Variants in ABCA5 observed in about 807,000 individuals in gnomAD.
ABCA5 encodes the protein ATP binding cassette subfamily A member 5, also known as cholesterol transporter ABCA5.
Under a neutral mutation model 206.0 loss-of-function variants are expected in ABCA5, and 163 were observed. The observed-to-expected ratio is 0.79, with a 90% CI of 0.70 to 0.90. The LOEUF (loss-of-function observed/expected upper bound fraction) is 0.90. Among genes scored for constraint, ABCA5 ranks in the 40% least tolerant of loss-of-function variants. ABCA5 has a pLI of 0.00. For synonymous variants in ABCA5, 609 were observed against 613.8 expected (o/e 0.99, Z 0.11); for missense variants, 1,859 against 1,912.9 (o/e 0.97, Z 0.53).
Position 69,306,864 on chromosome 17 carries a change from G to A in ABCA5, c.649C>T (p.Pro217Ser), listed in dbSNP as rs748755863. The A allele has an allele frequency of 9.1e-5, 146 of 1,603,810 alleles. No individual in the cohort carries two copies. The highest frequency in any genetic ancestry group is 1.2e-4 in the Non-Finnish European group (140 of 1,174,544). ...ETAVVEIDTF[P>S]RGVILIYLVI... Reference sequence around the variant, plus strand: ...AGGTATATTAAAATTACTCCTCGGGGAAAGGTATCTATTTCTACAACAGCA... The same window carrying A: ...AGGTATATTAAAATTACTCCTCGGGAAAAGGTATCTATTTCTACAACAGCA... The change falls in exon 6 of 39, where the codon CCC becomes TCC. Residue 217 changes from proline to serine, a missense_variant. Transcript: ENST00000392676.
intron 7 of ABCA5, chr17:69,304,070 A>G (rs2075690511): frequency 6.6e-6 from 1 of 151,290 alleles, no homozygotes; most frequent in African/African-American, 2.4e-5. Flanking sequence ...ATTTAAAAAA[A>G]AACCAGGCAA....
rs2145025625 is a variant in ABCA5 at position 69,306,833 on chromosome 17, A to G, written c.680T>C (p.Ile227Thr). The stretch of plus-strand genomic sequence containing the variant: ...AAAGTATCCAAAAGGTGAAAATGCT[A>G]TAACTAGGTATATTAAAATTACTCC... ...PRGVILIYLV[I>T]AFSPFGYFLA... Residue 227 changes from isoleucine to threonine, a missense_variant, in exon 6 of 39, where the codon ATA becomes ACA. Ile to Thr is a moderately conservative substitution (Grantham distance 89). Coordinates refer to ENST00000392676, the MANE Select transcript of ABCA5 (RefSeq NM_172232.4). 3 of 1,603,614 alleles carry G rather than the reference A, an allele frequency of 1.9e-6. No individual in the cohort carries two copies. Among genetic ancestry groups the G allele is most frequent in the East Asian group, 2.3e-5 (1 of 44,276 alleles).
At chr17:69,266,762 G>A (rs1187921830) in intron 23 of ABCA5, among the ~76,000 whole-genome samples, 1 of 149,270 alleles carries the variant, frequency 6.7e-6, no homozygotes, top group South Asian at 2.1e-4. Flanking sequence ...ACTACAATGA[G>A]TATATTTAAC....
chr17:69,269,678 G>A (rs868547150), intron 22 of ABCA5, among the ~76,000 whole-genome samples: 38 of 152,144 alleles, frequency 2.5e-4, no homozygotes, highest in African/African-American at 8.7e-4. Flanking sequence ...TAAGTAGAAT[G>A]CAGTATTTCA....
chr17:69,319,267 T>C (rs1255762432), intron 1 of ABCA5, among the ~76,000 whole-genome samples: 2 of 152,322 alleles, frequency 1.3e-5, no homozygotes, highest in East Asian at 1.9e-4. Flanking sequence ...CCAAAACACA[T>C]TGATTTTGTG....
At chr17:69,248,046 T>G (rs2074971492) in intron 38 of ABCA5, among the ~76,000 whole-genome samples, 1 of 152,096 alleles carries the variant, frequency 6.6e-6, no homozygotes, top group African/African-American at 2.4e-5. Context: ...ACAGTGTGAT[T>G]TGTCAATTTA....
At chr17:69,304,545 T>C in intron 7 of ABCA5, 124 bp downstream of exon 7, 1 of 766,878 alleles carries the variant, frequency 1.3e-6, no homozygotes, top group Non-Finnish European at 1.9e-6. Context: ...ATTAAGTCAC[T>C]TATCAATTAG....
intron 23 of ABCA5, among the ~76,000 whole-genome samples, chr17:69,267,698 T>C (rs749201365): frequency 6.6e-6 from 1 of 152,138 alleles, no homozygotes; most frequent in Non-Finnish European, 1.5e-5. Context: ...AAGAAATCAG[T>C]AACAAAAAAC....
chr17:69,323,636 C>A (rs1056667640), intron 1 of ABCA5, among the ~76,000 whole-genome samples: 2 of 152,166 alleles, frequency 1.3e-5, no homozygotes, highest in African/African-American at 2.4e-5. Flanking sequence ...TATATATTTT[C>A]ATCTTGAACT....
At chr17:69,298,233 A>AAGGTAGGAAGGTAGGAAGGT (rs1352831325) in intron 9 of ABCA5, among the ~76,000 whole-genome samples, 1 of 68,086 alleles carries the variant, frequency 1.5e-5, no homozygotes, top group African/African-American at 5.8e-5. Flanking sequence ...GGTAGGTAGG[A>AAGGTAGGAAGGTAGGAAGGT]AGGAAGGAAG....
chr17:69,251,704 C>T (rs377395165), intron 35 of ABCA5, 43 bp downstream of exon 35: 11 of 1,580,400 alleles, frequency 7.0e-6, no homozygotes, highest in Non-Finnish European at 9.4e-6. Flanking sequence ...AAAATCCAAC[C>T]CCCAACCTCT....
chr17:69,298,002 T>C (rs1230596099), intron 9 of ABCA5, among the ~76,000 whole-genome samples: 1 of 151,990 alleles, frequency 6.6e-6, no homozygotes. Context: ...CTGGGCAATA[T>C]GGCAAAACCT....
At chr17:69,273,820 G>A (rs1170417250) in intron 20 of ABCA5, 139 bp downstream of exon 20, 16 of 768,974 alleles carry the variant, frequency 2.1e-5, no homozygotes, top group Admixed American at 3.4e-5. Flanking sequence ...AATAAGATAC[G>A]TATTGAACTA....
chr17:69,282,235 C>T (rs2075401527), intron 18 of ABCA5, among the ~76,000 whole-genome samples: 1 of 152,118 alleles, frequency 6.6e-6, no homozygotes. Context: ...CTAGGTTTTT[C>T]CATTTCCACT....
chr17:69,307,105 C>A, intron 5 of ABCA5, 151 bp from the exon 6 acceptor site: 1 of 409,902 alleles, frequency 2.4e-6, no homozygotes, highest in Non-Finnish European at 4.3e-6. Context: ...GTGAGTGACC[C>A]CAATATCATA....
chr17:69,309,801 C>T (rs1333510905), intron 3 of ABCA5, among the ~76,000 whole-genome samples: 1 of 152,030 alleles, frequency 6.6e-6, no homozygotes, highest in Non-Finnish European at 1.5e-5. Flanking sequence ...AACTGAGCAA[C>T]TGCACTCCAG....
In ABCA5 at chr17:69,290,018, T is replaced by C. The variant is rs750113828; in HGVS notation, c.1626A>G (p.Gly542=). ...TTTCATCTATTTCTGAGACTCTGTG[T>C]CCATATATAGATGCAAACCCTAAAA... The part of the protein sequence containing the change: ...PPSDGFASIY[G]HRVSEIDEMF... Residue 542 remains glycine (G), a synonymous_variant, in exon 13 of 39, where the codon GGA becomes GGG. Coordinates refer to ENST00000392676, the MANE Select transcript of ABCA5 (RefSeq NM_172232.4). 1.2e-6 allele frequency: 2 copies of C among 1,600,144 alleles called. No homozygotes were observed. The highest frequency in any genetic ancestry group is 1.7e-5 in the Admixed American group (1 of 57,442).
In ABCA5 at chr17:69,277,633, A is replaced by G; in HGVS notation, c.2594+8T>C. ...TCCATCAGGTATAAGGGTGATAATT[A>G]TACTTACACTGATCTCACTGATTTA... is the stretch of plus-strand genomic sequence containing the variant. On this transcript the variant is annotated splice_region_variant and intron_variant, in intron 19 of 38. Coordinates refer to ENST00000392676, the MANE Select transcript of ABCA5 (RefSeq NM_172232.4). 6.2e-7 allele frequency: 1 copy of G among 1,600,100 alleles called. No homozygotes were observed. The highest frequency in any genetic ancestry group is 8.5e-7 in the Non-Finnish European group (1 of 1,174,662).
intron 11 of ABCA5, among the ~76,000 whole-genome samples, chr17:69,293,666 T>C (rs1243172254): frequency 1.3e-5 from 2 of 152,140 alleles, no homozygotes; most frequent in Non-Finnish European, 2.9e-5. Context: ...TACATGAGTG[T>C]GCAGCCTGTC....
Sources: allele counts gnomAD v4.1 joint callset (sites outside exome capture counted in the v4.1 genomes callset), GRCh38; gene constraint gnomAD v4.1.1; transcripts MANE v1.5; gene names NCBI Gene and HGNC (gene_info 2026-07-23, HGNC 2026-07-21).